Variants in FERMT2 observed in about 807,000 individuals in gnomAD.
FERMT2 encodes the protein FERM domain containing kindlin 2.
FERMT2 carries 15 observed loss-of-function variants against 82.7 expected under a neutral mutation model. The ratio of observed to expected loss-of-function variants is 0.18; its 90% CI spans 0.12 to 0.28. The LOEUF (loss-of-function observed/expected upper bound fraction) is 0.28. Among genes scored for constraint, FERMT2 ranks in the 10% least tolerant of loss-of-function variants. The probability of loss-of-function intolerance (pLI) is 1.00; values close to 1 mark genes in which losing one functional copy is unlikely to be tolerated. For missense variants in FERMT2, 645 were observed against 809.4 expected, an observed-to-expected ratio of 0.80 and a Z score of 2.46; for synonymous variants, 274 against 271.5, an observed-to-expected ratio of 1.01 and a Z score of -0.09.
chr14:52,948,535 G>A, intron 2 of FERMT2: 1 of 453,260 alleles, frequency 2.2e-6, no homozygotes, highest in African/African-American at 2.0e-5. Flanking sequence ...AAAGATGTAA[G>A]GTTTCCATAC....
intron 7 of FERMT2, 75 bp downstream of exon 7, chr14:52,878,507 A>G: frequency 1.1e-6 from 1 of 891,712 alleles, no homozygotes; most frequent in Admixed American, 2.4e-5. Context: ...TGGAATTACT[A>G]TTCCACTTTA....
intron 3 of FERMT2, among the ~76,000 whole-genome samples, chr14:52,905,666 T>G (rs1887964085): frequency 2.0e-5 from 3 of 152,056 alleles, no homozygotes; most frequent in Admixed American, 1.3e-4. Flanking sequence ...ATGCTAAGGA[T>G]TTCTCCCGTG....
At chr14:52,923,478 A>T (rs1889079119) in intron 2 of FERMT2, among the ~76,000 whole-genome samples, 1 of 152,168 alleles carries the variant, frequency 6.6e-6, no homozygotes, top group South Asian at 2.1e-4. Context: ...GCACTTAGAT[A>T]ATGGTACAAT....
chr14:52,881,671 A>T, intron 4 of FERMT2: 2 of 940,532 alleles, frequency 2.1e-6, no homozygotes, highest in Non-Finnish European at 3.1e-6. Context: ...ATAAAGCCTT[A>T]AGAATATAAT....
chr14:52,927,544 C>T (rs181527342), intron 2 of FERMT2, among the ~76,000 whole-genome samples: 6 of 130,712 alleles, frequency 4.6e-5, no homozygotes, highest in East Asian at 2.3e-4. Flanking sequence ...TGGCTTGAGC[C>T]GAAGCGTTCA....
intron 4 of FERMT2, among the ~76,000 whole-genome samples, chr14:52,889,372 G>A (rs1262956422): frequency 6.6e-6 from 1 of 152,220 alleles, no homozygotes; most frequent in Admixed American, 6.5e-5. Context: ...GGAAAGAACT[G>A]AGGAATAGTA....
intron 2 of FERMT2, among the ~76,000 whole-genome samples, chr14:52,925,141 T>C (rs1889181414): frequency 6.6e-6 from 1 of 152,174 alleles, no homozygotes; most frequent in Non-Finnish European, 1.5e-5. Context: ...ACATACCTAT[T>C]CTATTCATTA....
chr14:52,937,457 A>C (rs1437087502), intron 2 of FERMT2, among the ~76,000 whole-genome samples: 4 of 152,098 alleles, frequency 2.6e-5, no homozygotes, highest in Admixed American at 2.6e-4. Flanking sequence ...CTTTCTTCCT[A>C]ACTTTCCACC....
chr14:52,869,751 A>ACAGCCT (rs1885504095), intron 10 of FERMT2, among the ~76,000 whole-genome samples: 1 of 152,218 alleles, frequency 6.6e-6, no homozygotes, highest in African/African-American at 2.4e-5. Context: ...TAACTGTAAA[A>ACAGCCT]CAGCCTCAGA....
At chr14:52,905,061 C>T (rs35485994) in intron 3 of FERMT2, among the ~76,000 whole-genome samples, 8,179 of 149,948 alleles carry the variant, frequency 0.055, 278 homozygotes, top group Middle Eastern at 0.1. Context: ...TGGTGGTGTG[C>T]GCTTGTAATC....
Position 52,874,194 on chromosome 14 carries a change from G to C in FERMT2, c.1131C>G (p.Asp377Glu), listed in dbSNP as rs762349839. ...GTACTTACTTGAAAACTTTAATGTAGTCAGCAAGTTCAGGAATGGAAGTAA... is the reference window on the plus strand; with the variant it reads ...GTACTTACTTGAAAACTTTAATGTACTCAGCAAGTTCAGGAATGGAAGTAA... ...GDITSIPELA[D>E]YIKVFKPKKL... Residue 377 changes from aspartate (D) to glutamate (E), a missense_variant, in exon 9 of 15, where the codon GAC becomes GAG. Asp to Glu is a conservative substitution (Grantham distance 45). Transcript: ENST00000341590. The C allele has an allele frequency of 1.9e-6, 3 of 1,597,508 alleles. No homozygotes were observed. The highest frequency in any genetic ancestry group is 2.6e-6 in the Non-Finnish European group (3 of 1,171,436).
intron 2 of FERMT2, among the ~76,000 whole-genome samples, chr14:52,928,736 G>T (rs1381187378): frequency 1.3e-5 from 2 of 152,040 alleles, no homozygotes; most frequent in Non-Finnish European, 2.9e-5. Flanking sequence ...GACAACCATG[G>T]ATTCTACTGC....
intron 12 of FERMT2, chr14:52,860,968 A>G: frequency 7.1e-7 from 1 of 1,416,330 alleles, no homozygotes; most frequent in South Asian, 1.3e-5. Context: ...GTGGCTATGA[A>G]TTTTTATTTA....
At chr14:52,860,560 AC>A in intron 12 of FERMT2, 95 bp from the exon 13 acceptor site, 1 of 1,040,404 alleles carries the variant, frequency 9.6e-7, no homozygotes. Flanking sequence ...CGCACCCCGT[AC>A]CCCAAAATCA....
intron 2 of FERMT2, among the ~76,000 whole-genome samples, chr14:52,926,238 A>C (rs1339837118): frequency 6.6e-6 from 1 of 152,206 alleles, no homozygotes; most frequent in African/African-American, 2.4e-5. Flanking sequence ...CAAAATCCAT[A>C]ATGAAATAAC....
intron 8 of FERMT2, 134 bp from the exon 9 acceptor site, chr14:52,874,360 CA>C (rs1885822815): frequency 3.8e-6 from 2 of 522,240 alleles, no homozygotes; most frequent in Non-Finnish European, 6.5e-6. Context: ...ATTTAAACAA[CA>C]AAATCACATT....
intron 3 of FERMT2, among the ~76,000 whole-genome samples, chr14:52,902,970 C>T (rs1887767620): frequency 6.9e-6 from 1 of 143,892 alleles, no homozygotes; most frequent in Non-Finnish European, 1.5e-5. Flanking sequence ...GCAAGTGGAT[C>T]GATCCAAGAA....
chr14:52,865,257 G>A (rs1885201092), intron 10 of FERMT2, among the ~76,000 whole-genome samples: 1 of 152,164 alleles, frequency 6.6e-6, no homozygotes, highest in Non-Finnish European at 1.5e-5. Flanking sequence ...TGAGGTGGAG[G>A]TTGCAGTGAG....
intron 4 of FERMT2, among the ~76,000 whole-genome samples, chr14:52,886,273 G>C (rs1413207384): frequency 2.1e-5 from 3 of 139,944 alleles, no homozygotes; most frequent in Non-Finnish European, 4.9e-5. Flanking sequence ...ACTCTTGGGG[G>C]GGAGAGAGAG....
Sources: allele counts gnomAD v4.1 joint callset (sites outside exome capture counted in the v4.1 genomes callset), GRCh38; gene constraint gnomAD v4.1.1; transcripts MANE v1.5; gene names NCBI Gene and HGNC (gene_info 2026-07-23, HGNC 2026-07-21).